Variants in HERC3 observed in about 807,000 individuals in gnomAD.
The protein encoded by HERC3 is HECT and RLD domain containing E3 ubiquitin protein ligase 3, also known as probable E3 ubiquitin-protein ligase HERC3.
Under a neutral mutation model 129.9 loss-of-function variants are expected in HERC3, and 58 were observed. The observed-to-expected ratio is 0.45, with a 90% CI of 0.36 to 0.56. The LOEUF is 0.56. HERC3 is among the 20% of genes least tolerant of loss of function. The pLI is 0.00. For synonymous variants in HERC3, 430 were observed against 451.0 expected, an observed-to-expected ratio of 0.95 and a Z score of 0.59; for missense variants, 835 against 1,244.2, an observed-to-expected ratio of 0.67 and a Z score of 4.95.
intron 20 of HERC3, 87 bp downstream of exon 20, chr4:88,680,323 C>T: frequency 1.1e-6 from 1 of 901,160 alleles, no homozygotes; most frequent in Non-Finnish European, 1.6e-6. Context: ...TCTAACTTTG[C>T]AAAGGGGAAC....
At chr4:88,637,191 C>T (rs539299558) in intron 3 of HERC3, among the ~76,000 whole-genome samples, 37 of 151,814 alleles carry the variant, frequency 2.4e-4, no homozygotes, top group Non-Finnish European at 1.6e-4. Flanking sequence ...TTTGGGAGAC[C>T]GAGGCAAGTG....
At chr4:88,633,974 C>A (rs80052074) in intron 3 of HERC3, among the ~76,000 whole-genome samples, 3,969 of 152,296 alleles carry the variant, frequency 0.026, 68 homozygotes, top group Non-Finnish European at 0.035. Flanking sequence ...CGATTGGAAG[C>A]TCCCATGGAA....
chr4:88,697,610 C>T, intron 23 of HERC3: 1 of 1,609,226 alleles, frequency 6.2e-7, no homozygotes, highest in Non-Finnish European at 8.5e-7. Context: ...GCCATCTGAC[C>T]AGCCGCGCTG....
intron 9 of HERC3, among the ~76,000 whole-genome samples, chr4:88,657,699 G>A (rs114186908): frequency 1.3e-3 from 193 of 152,312 alleles, no homozygotes; most frequent in African/African-American, 4.1e-3. Flanking sequence ...TTGGTAATGT[G>A]GGAGCACAGA....
At chr4:88,679,898 A>G (rs3017915) in intron 19 of HERC3, among the ~76,000 whole-genome samples, 195 bp from the exon 20 acceptor site, 5,948 of 152,248 alleles carry the variant, frequency 0.039, 332 homozygotes, top group East Asian at 0.26. Context: ...TAAAAATTGT[A>G]TGTATCTATA....
chr4:88,676,038 C>T (rs1367152134), intron 16 of HERC3, among the ~76,000 whole-genome samples, 180 bp from the exon 17 acceptor site: 2 of 152,138 alleles, frequency 1.3e-5, no homozygotes, highest in African/African-American at 4.8e-5. Flanking sequence ...CTCTTTTTCT[C>T]ATTCTGTGGC....
intron 3 of HERC3, among the ~76,000 whole-genome samples, chr4:88,623,011 A>G (rs993286082): frequency 2.0e-5 from 3 of 152,224 alleles, no homozygotes; most frequent in African/African-American, 7.2e-5. Flanking sequence ...GAGATAAAAC[A>G]TATAAAGCTC....
the HERC3 span, among the ~76,000 whole-genome samples, chr4:88,554,600 C>T: frequency 6.6e-6 from 1 of 152,112 alleles, no homozygotes; most frequent in South Asian, 2.1e-4. Context: ...TCTCAGCTGC[C>T]AAATAAAGTT....
chr4:88,707,343 TCTTAA>T lies in HERC3; in HGVS notation c.*387_*391del, dbSNP rs1201193898. The T allele has an allele frequency of 4.7e-6, 1 of 211,680 alleles. No individual in the cohort carries two copies. Among genetic ancestry groups the T allele is most frequent in the Admixed American group, 5.3e-5 (1 of 18,930 alleles). 13.1% of individuals were successfully genotyped at this position (211,680 alleles called of 1,614,324 possible). A position where few individuals can be genotyped will look rare whatever the true frequency, so the allele number is the denominator to read the frequency against. ...TTCTCACAGTGCTTCCTTGTCCTTC[TCTTAA>T]CTTCTCATTCCTCTATAAGAATGAT... On this transcript the variant is annotated 3_prime_UTR_variant, in exon 26 of 26. Coordinates refer to ENST00000402738, the MANE Select transcript of HERC3 (RefSeq NM_014606.3).
intron 23 of HERC3, among the ~76,000 whole-genome samples, chr4:88,701,570 T>C (rs2924925): frequency 0.36 from 55,285 of 151,942 alleles, 11,022 homozygotes; most frequent in East Asian, 0.53. Flanking sequence ...CAAACATTTG[T>C]ATATATGATC....
chr4:88,682,512 G>C (rs182371569), intron 21 of HERC3, among the ~76,000 whole-genome samples: 297 of 123,238 alleles, frequency 2.4e-3, no homozygotes, highest in African/African-American at 7.6e-3. Context: ...GTGATGTTCC[G>C]CTTCCTGTGT....
chr4:88,541,181 G>A, the HERC3 span, among the ~76,000 whole-genome samples: 1 of 152,166 alleles, frequency 6.6e-6, no homozygotes, highest in East Asian at 1.9e-4. Flanking sequence ...TCAGTGTGCT[G>A]TATTCAGGAG....
intron 16 of HERC3, among the ~76,000 whole-genome samples, chr4:88,672,211 A>C (rs1731684757): frequency 2.0e-5 from 3 of 152,202 alleles, no homozygotes; most frequent in African/African-American, 7.2e-5. Context: ...GAAGTTGCTC[A>C]TGTTAAAATC....
intron 23 of HERC3, chr4:88,693,520 CT>C (rs1450247046): frequency 7.2e-6 from 7 of 970,514 alleles, no homozygotes; most frequent in Middle Eastern, 5.2e-4. Flanking sequence ...CTGTTTACCT[CT>C]AAAATATTTG....
At chr4:88,623,334 A>G (rs1202076451) in intron 3 of HERC3, among the ~76,000 whole-genome samples, 1 of 152,214 alleles carries the variant, frequency 6.6e-6, no homozygotes, top group Admixed American at 6.5e-5. Context: ...CCTTGGGCCT[A>G]CTTAGGCTGG....
Position 88,667,582 on chromosome 4 carries a change from A to T in HERC3, c.1443+94A>T, listed in dbSNP as rs1189136785. The T allele has an allele frequency of 1.6e-5, 11 of 708,466 alleles. No homozygotes were observed. In the East Asian group the frequency reaches 1.9e-4, roughly 12 times the overall value. 43.9% of individuals were successfully genotyped at this position (708,466 alleles called of 1,614,324 possible). ...AGAAAAAGAGTAAGATGAAAAAGTG[A>T]AAGTCTCCAAATCTTAATTTTGTAA... On this transcript the variant is annotated intron_variant, in intron 13 of 25. Transcript: ENST00000402738.
chr4:88,615,367 A>G (rs953678994), intron 3 of HERC3, among the ~76,000 whole-genome samples: 5 of 152,178 alleles, frequency 3.3e-5, no homozygotes, highest in African/African-American at 1.2e-4. Flanking sequence ...TTTTGAGTGA[A>G]TGCCATTTGT....
chr4:88,704,890 T>G (rs775665947), intron 25 of HERC3, among the ~76,000 whole-genome samples: 4 of 150,198 alleles, frequency 2.7e-5, no homozygotes, highest in Non-Finnish European at 4.4e-5. Flanking sequence ...AGACAGAGTC[T>G]TACTCTGCTG....
At chr4:88,701,490 G>A (rs1487924815) in intron 23 of HERC3, among the ~76,000 whole-genome samples, 2 of 152,152 alleles carry the variant, frequency 1.3e-5, no homozygotes, top group Non-Finnish European at 2.9e-5. Context: ...TGGATAAGTA[G>A]TAAATAACTA....
Sources: allele counts gnomAD v4.1 joint callset (sites outside exome capture counted in the v4.1 genomes callset), GRCh38; gene constraint gnomAD v4.1.1; transcripts MANE v1.5; gene names NCBI Gene and HGNC (gene_info 2026-07-23, HGNC 2026-07-21).